PRKCB: variants seen among roughly 807,000 people sequenced by gnomAD.
PRKCB encodes the protein protein kinase C beta, also known as protein kinase C beta type.
A neutral mutation model predicts 81.5 loss-of-function variants in PRKCB; 13 were observed. The ratio of observed to expected loss-of-function variants is 0.16; its 90% CI spans 0.10 to 0.25. The LOEUF (loss-of-function observed/expected upper bound fraction) is 0.25. Ranked by LOEUF, PRKCB falls within the 10% of genes least tolerant of loss-of-function variation. PRKCB has a pLI of 1.00. For synonymous variants in PRKCB, 335 were observed against 321.4 expected (o/e 1.04, Z -0.45); for missense variants, 509 against 875.7 (o/e 0.58, Z 5.29).
chr16:24,104,726 C>T (rs1966553040), intron 7 of PRKCB, among the ~76,000 whole-genome samples: 1 of 152,090 alleles, frequency 6.6e-6, no homozygotes, highest in African/African-American at 2.4e-5. Flanking sequence ...AGCTCAAAGG[C>T]CCTGGGGCAG....
chr16:23,894,246 T>G (rs1479291933), intron 2 of PRKCB, among the ~76,000 whole-genome samples: 1 of 152,176 alleles, frequency 6.6e-6, no homozygotes, highest in South Asian at 2.1e-4. Flanking sequence ...GGCCAAAGCA[T>G]GTGACATGGC....
intron 2 of PRKCB, among the ~76,000 whole-genome samples, chr16:23,950,847 T>C (rs1349158358): frequency 1.3e-5 from 2 of 152,230 alleles, no homozygotes; most frequent in East Asian, 1.9e-4. Flanking sequence ...CACATAAGCC[T>C]TTCTTTTCTC....
At chr16:24,012,925 T>C (rs982616315) in intron 3 of PRKCB, among the ~76,000 whole-genome samples, 4 of 152,232 alleles carry the variant, frequency 2.6e-5, no homozygotes, top group Non-Finnish European at 4.4e-5. Context: ...TACTCTTCTC[T>C]CTCTTCTTCC....
chr16:24,205,738 G>A (rs1225038715), intron 16 of PRKCB, among the ~76,000 whole-genome samples: 2 of 152,074 alleles, frequency 1.3e-5, no homozygotes, highest in Non-Finnish European at 2.9e-5. Context: ...GAAACGCAGT[G>A]GTGAATAAAA....
rs1963439248 is a variant in PRKCB at position 23,899,719 on chromosome 16, A to G, written c.205+62313A>G. Among the ~76,000 whole-genome samples, 2 of 78,724 alleles carry G rather than the reference A, an allele frequency of 2.5e-5. 1 individual carries two copies. The highest frequency in any genetic ancestry group is 6.1e-5 in the Non-Finnish European group (2 of 32,536). The allele number at this position is 78,724 out of a possible 152,430, so 51.6% of individuals were successfully genotyped here. A position where few individuals can be genotyped will look rare whatever the true frequency, so the allele number is the denominator to read the frequency against. On this transcript the variant is annotated intron_variant, in intron 2 of 16. Transcript: ENST00000643927. ...CAGTGATGCGACCATGGCTCACTAT[A>G]TTCAAAATCCTGGGCTCATGCGATC...
intron 3 of PRKCB, among the ~76,000 whole-genome samples, chr16:24,017,774 G>A (rs1276015213): frequency 6.6e-6 from 1 of 152,084 alleles, no homozygotes; most frequent in African/African-American, 2.4e-5. Flanking sequence ...CTGTCACCCA[G>A]GCTAGAGTGC....
intron 2 of PRKCB, among the ~76,000 whole-genome samples, chr16:23,847,508 A>G (rs1342325099): frequency 1.6e-5 from 2 of 127,782 alleles, no homozygotes; most frequent in Non-Finnish European, 3.4e-5. Flanking sequence ...ATTCATCCAA[A>G]CATCCACCCA....
At chr16:24,169,742 C>CT (rs376761959) in intron 10 of PRKCB, among the ~76,000 whole-genome samples, 41 of 152,126 alleles carry the variant, frequency 2.7e-4, no homozygotes, top group African/African-American at 9.4e-4. Flanking sequence ...CCCCGTGGCA[C>CT]TTTTTAATCT....
At chr16:23,993,499 C>A (rs902501550) in intron 3 of PRKCB, among the ~76,000 whole-genome samples, 1 of 152,044 alleles carries the variant, frequency 6.6e-6, no homozygotes, top group Non-Finnish European at 1.5e-5. Flanking sequence ...CATTTAATAC[C>A]CGCTCACCCA....
chr16:24,136,762 G>A (rs1966866109), intron 9 of PRKCB, among the ~76,000 whole-genome samples: 1 of 152,186 alleles, frequency 6.6e-6, no homozygotes, highest in African/African-American at 2.4e-5. Context: ...AAAGCAAATA[G>A]GATGTGGGCA....
At chr16:24,075,221 G>A (rs986556694) in intron 5 of PRKCB, among the ~76,000 whole-genome samples, 7 of 152,122 alleles carry the variant, frequency 4.6e-5, no homozygotes, top group African/African-American at 1.7e-4. Flanking sequence ...GCCTCATGTG[G>A]CTAGTGGTTA....
chr16:24,186,669 A>G (rs899725455), intron 15 of PRKCB, among the ~76,000 whole-genome samples: 1 of 152,172 alleles, frequency 6.6e-6, no homozygotes, highest in African/African-American at 2.4e-5. Context: ...CAGATGCTGG[A>G]TGCACTGTCT....
intron 2 of PRKCB, among the ~76,000 whole-genome samples, chr16:23,937,268 T>C (rs569176972): frequency 3.9e-5 from 6 of 152,328 alleles, no homozygotes; most frequent in African/African-American, 1.4e-4. Flanking sequence ...TTCTGTGCAC[T>C]GAAGTTTCAG....
chr16:23,976,577 G>T (rs141028717), intron 2 of PRKCB, among the ~76,000 whole-genome samples: 1 of 152,326 alleles, frequency 6.6e-6, no homozygotes, highest in African/African-American at 2.4e-5. Flanking sequence ...CACAGGAGAA[G>T]CATGGAGGAT....
rs538786879 is a variant in PRKCB, at chr16:24,126,158, G to C, written c.1065+2177G>C. Reference sequence around the variant, plus strand: ...AATACATGAATGAAAATGGTATCTAGATTGGGTTGGGGAAGATGTCTAGCA... The same window carrying C: ...AATACATGAATGAAAATGGTATCTACATTGGGTTGGGGAAGATGTCTAGCA... On this transcript the variant is annotated intron_variant, in intron 9 of 16. Coordinates refer to ENST00000643927, the MANE Select transcript of PRKCB (RefSeq NM_002738.7). Among the ~76,000 whole-genome samples the C allele has an allele frequency of 7.2e-5, 11 of 152,302 alleles. No homozygotes were observed. The East Asian group carries it at 2.1e-3, about 29-fold the overall frequency.
At chr16:24,201,058 C>A (rs1302218813) in intron 16 of PRKCB, among the ~76,000 whole-genome samples, 6 of 152,134 alleles carry the variant, frequency 3.9e-5, no homozygotes, top group African/African-American at 1.4e-4. Flanking sequence ...CCGGCACCTC[C>A]ATAGTCATCT....
chr16:24,188,143 C>T (rs1000514608), intron 15 of PRKCB, among the ~76,000 whole-genome samples: 7 of 152,246 alleles, frequency 4.6e-5, no homozygotes, highest in African/African-American at 1.7e-4. Context: ...CTGGTAGAGC[C>T]GTTTTCTATT....
At chr16:23,988,638 C>T (rs1434107074) in intron 3 of PRKCB, 48 bp downstream of exon 3, 1 of 1,514,394 alleles carries the variant, frequency 6.6e-7, no homozygotes, top group African/African-American at 1.4e-5. Flanking sequence ...GTCAATGCTG[C>T]CTTGTGATTA....
chr16:23,852,704 C>A (rs1597209740), intron 2 of PRKCB, among the ~76,000 whole-genome samples: 1 of 152,156 alleles, frequency 6.6e-6, no homozygotes, highest in East Asian at 1.9e-4. Context: ...ACAGAACATG[C>A]TGGTACCCTA....
Sources: allele counts gnomAD v4.1 joint callset (sites outside exome capture counted in the v4.1 genomes callset), GRCh38; gene constraint gnomAD v4.1.1; transcripts MANE v1.5; gene names NCBI Gene and HGNC (gene_info 2026-07-23, HGNC 2026-07-21).